The following HESX1 variants were observed in gnomAD, a reference collection of about 807,000 sequenced individuals.
The protein encoded by HESX1 is homeobox expressed in ES cells 1.
Under a neutral mutation model 22.5 loss-of-function variants are expected in HESX1, and 11 were observed. That is an observed-to-expected ratio of 0.49 (90% CI 0.31 to 0.81). HESX1 has a LOEUF of 0.81. Ranked by LOEUF, HESX1 falls within the 30% of genes least tolerant of loss-of-function variation. The pLI, the probability that HESX1 is intolerant of heterozygous loss-of-function variation, is 0.05. For missense variants in HESX1, 201 were observed against 212.6 expected, an observed-to-expected ratio of 0.95 and a Z score of 0.34; for synonymous variants, 74 against 76.5, an observed-to-expected ratio of 0.97 and a Z score of 0.17.
intron 1 of HESX1, among the ~76,000 whole-genome samples, chr3:57,209,412 GAGGCGGGGTGGATCATCT>G (rs1285335634): frequency 6.6e-6 from 1 of 152,120 alleles, no homozygotes; most frequent in Admixed American, 6.5e-5. Flanking sequence ...GTGGGATGTG[GAGGCGGGGTGGATCATCT>G]GAAGTTCGAG....
chr3:57,199,871 G>C lies in HESX1; in HGVS notation c.48C>G (p.Pro16=). 1.2e-6 allele frequency: 2 copies of C among 1,614,084 alleles called. No individual in the cohort carries two copies. The highest frequency in any genetic ancestry group is 1.1e-5 in the South Asian group (1 of 91,080). Residue 16 remains proline (P), a synonymous_variant, in exon 1 of 4, where the codon CCC becomes CCG. Transcript: ENST00000295934. The part of the protein sequence containing the change: ...QEGAQLGENK[P]STCSFSIERI... ...TCTCAATTGAAAAGGAGCAAGTTGA[G>C]GGTTTGTTTTCCCCGAGCTGAGCGC...
rs574193785 is a variant in HESX1 at position 57,220,050 on chromosome 3, G to A, written c.-111+6246C>T. ...AAAAAAGGGTCCAGTTTCAATCTTC[G>A]ACATATGGCTTGCCAGATAGTCCAG... is the stretch of plus-strand genomic sequence containing the variant. On this transcript the variant is annotated intron_variant, in intron 1 of 2. Coordinates refer to the HESX1 transcript ENST00000495160. 1.2e-4 allele frequency among the ~76,000 whole-genome samples: 18 copies of A among 152,142 alleles called. No individual in the cohort carries two copies. In the East Asian group the frequency reaches 2.7e-3, roughly 23 times the overall value.
rs1355973554 is a variant in HESX1, at chr3:57,198,143, C to T, written c.*54G>A. ...CACATTTTAACACTTAATATTTCCACTGATTCTTCATGCTCTGCAATTAGA... is the reference window on the plus strand; with the variant it reads ...CACATTTTAACACTTAATATTTCCATTGATTCTTCATGCTCTGCAATTAGA... On this transcript the variant is annotated 3_prime_UTR_variant, in exon 4 of 4. Coordinates refer to ENST00000295934, the MANE Select transcript of HESX1 (RefSeq NM_003865.3). The T allele has an allele frequency of 1.8e-6, 2 of 1,092,256 alleles. No individual in the cohort carries two copies. The highest frequency in any genetic ancestry group is 2.8e-6 in the Non-Finnish European group (2 of 709,606). The allele number at this position is 1,092,256 out of a possible 1,614,324, so 67.7% of individuals were successfully genotyped here. A position where few individuals can be genotyped will look rare whatever the true frequency, so the allele number is the denominator to read the frequency against.
intron 1 of HESX1, among the ~76,000 whole-genome samples, chr3:57,208,834 G>A (rs1391946463): frequency 5.3e-5 from 8 of 151,798 alleles, no homozygotes; most frequent in Non-Finnish European, 7.4e-5. Context: ...GGTGGCACAT[G>A]CCTGTAATCC....
chr3:57,200,250 T>C (rs191474138), upstream of HESX1, among the ~76,000 whole-genome samples: 1 of 152,380 alleles, frequency 6.6e-6, no homozygotes, highest in Admixed American at 6.5e-5. Flanking sequence ...TGCACAAATG[T>C]GGCACTTATC....
In HESX1 at chr3:57,199,630, AAAAAAT is replaced by A. The variant is rs1351618343; in HGVS notation, c.157+126_157+131del. 1.1e-5 allele frequency: 6 copies of A among 542,592 alleles called. No individual in the cohort carries two copies. In the East Asian group the frequency reaches 3.6e-4, roughly 32 times the overall value. 33.6% of individuals were successfully genotyped at this position (542,592 alleles called of 1,614,324 possible). A position where few individuals can be genotyped will look rare whatever the true frequency, so the allele number is the denominator to read the frequency against. On this transcript the variant is annotated intron_variant, in intron 1 of 3. Coordinates refer to ENST00000295934, the MANE Select transcript of HESX1 (RefSeq NM_003865.3). ...CCAACACTCTGTCTCAGAAAAAAAA[AAAAAAT>A]AATAAATAATAATAATAAATTAAAT...
chr3:57,215,539 C>G (rs1015996096), intron 1 of HESX1, among the ~76,000 whole-genome samples: 6 of 146,666 alleles, frequency 4.1e-5, no homozygotes, highest in Non-Finnish European at 6.0e-5. Context: ...GAGGCTGAAG[C>G]AGGTGGATCA....
intron 1 of HESX1, among the ~76,000 whole-genome samples, chr3:57,219,809 AT>A (rs1220774918): frequency 6.6e-6 from 1 of 151,972 alleles, no homozygotes; most frequent in Non-Finnish European, 1.5e-5. Context: ...CTCTGTTGAT[AT>A]TTTCTTTTGC....
chr3:57,222,599 A>G (rs1433420140), intron 1 of HESX1, among the ~76,000 whole-genome samples: 1 of 152,160 alleles, frequency 6.6e-6, no homozygotes, highest in Non-Finnish European at 1.5e-5. Flanking sequence ...TGTTCCTTCC[A>G]GAATTCCCAT....
At chr3:57,227,606 C>A (rs966008173), upstream of HESX1, 12 of 305,036 alleles carry the variant, frequency 3.9e-5, no homozygotes, top group Non-Finnish European at 6.0e-5. Flanking sequence ...CGCCCGCGCT[C>A]GCGGGAGAGC....
At position 57,198,181 on chromosome 3, in the gene HESX1, T is replaced by C. The variant is rs766528139; in HGVS notation, c.*16A>G. 13 of 1,448,194 alleles carry C rather than the reference T, an allele frequency of 9.0e-6. No homozygotes were observed. The highest frequency in any genetic ancestry group is 5.7e-5 in the South Asian group (5 of 87,346). The allele number at this position is 1,448,194 out of a possible 1,614,324, so 89.7% of individuals were successfully genotyped here. A position where few individuals can be genotyped will look rare whatever the true frequency, so the allele number is the denominator to read the frequency against. Reference sequence around the variant, plus strand: ...CTCTGCAATTAGAAGATAATTTCACTTGTTTAGTTTTCTATCTATTCCAGC... The same window carrying C: ...CTCTGCAATTAGAAGATAATTTCACCTGTTTAGTTTTCTATCTATTCCAGC... On this transcript the variant is annotated 3_prime_UTR_variant, in exon 4 of 4. Coordinates refer to ENST00000295934, the MANE Select transcript of HESX1 (RefSeq NM_003865.3).
intron 1 of HESX1, among the ~76,000 whole-genome samples, chr3:57,218,138 T>C (rs1418162236): frequency 6.6e-6 from 1 of 152,208 alleles, no homozygotes. Context: ...GGGGTACACA[T>C]GTAGGTTTGT....
chr3:57,211,770 T>C (rs2060555796), intron 1 of HESX1, among the ~76,000 whole-genome samples: 1 of 151,862 alleles, frequency 6.6e-6, no homozygotes, highest in Admixed American at 6.6e-5. Context: ...GAGGTAGACG[T>C]TGCAGTGAGG....
chr3:57,219,508 C>T (rs1361864354), intron 1 of HESX1, among the ~76,000 whole-genome samples: 2 of 152,096 alleles, frequency 1.3e-5, no homozygotes, highest in African/African-American at 4.8e-5. Flanking sequence ...GCTGGGACTA[C>T]AGGTGCCCAC....
Position 57,205,495 on chromosome 3 carries a change from C to G in HESX1, c.-110-5467G>C, listed in dbSNP as rs113827223. Among the ~76,000 whole-genome samples the G allele has an allele frequency of 1.2e-3, 188 of 152,272 alleles. 1 individual carries two copies. Among genetic ancestry groups the G allele is most frequent in the African/African-American group, 4.3e-3 (180 of 41,554 alleles). On this transcript the variant is annotated intron_variant, in intron 1 of 2. Transcript: ENST00000495160. ...GACCCTACATGACCTGCCAGCCTTC[C>G]TTATTTACTTGATCTCACCTCCTAC...
chr3:57,222,297 T>C (rs1308796679), intron 1 of HESX1, among the ~76,000 whole-genome samples: 1 of 152,222 alleles, frequency 6.6e-6, no homozygotes, highest in East Asian at 1.9e-4. Flanking sequence ...GGTCTCGCTA[T>C]CACCAGGCTG....
chr3:57,212,713 C>A (rs1322793186), intron 1 of HESX1, among the ~76,000 whole-genome samples: 1 of 152,150 alleles, frequency 6.6e-6, no homozygotes, highest in African/African-American at 2.4e-5. Context: ...AGCTTACTGG[C>A]TATCACCACT....
intron 1 of HESX1, among the ~76,000 whole-genome samples, chr3:57,220,799 C>G (rs111959599): frequency 2.6e-5 from 4 of 152,280 alleles, no homozygotes; most frequent in African/African-American, 9.6e-5. Context: ...AAATTGCTGC[C>G]TTTATTAAAG....
At chr3:57,214,199 CAAGA>C (rs1257515742) in intron 1 of HESX1, among the ~76,000 whole-genome samples, 2 of 151,912 alleles carry the variant, frequency 1.3e-5, no homozygotes, top group African/African-American at 4.8e-5. Context: ...AACAGAAAAC[CAAGA>C]AAGAGATAAT....
Sources: allele counts gnomAD v4.1 joint callset (sites outside exome capture counted in the v4.1 genomes callset), GRCh38; gene constraint gnomAD v4.1.1; transcripts MANE v1.5; gene names NCBI Gene and HGNC (gene_info 2026-07-23, HGNC 2026-07-21).